TUB: variants seen among roughly 807,000 people sequenced by gnomAD.
TUB encodes tubby protein homolog.
In TUB, 33 loss-of-function variants were observed where a neutral mutation model predicts 59.7. That is an observed-to-expected ratio of 0.55 (90% confidence interval 0.42 to 0.74). The LOEUF (loss-of-function observed/expected upper bound fraction) is 0.74. Ranked by LOEUF, TUB falls within the 30% of genes least tolerant of loss-of-function variation. TUB has a pLI of 0.00. For synonymous variants in TUB, 293 were observed against 256.4 expected (o/e 1.14, Z -1.36); for missense variants, 659 against 672.0 (o/e 0.98, Z 0.21).
At chr11:8,020,167 TGATAGTA>T (rs2133692494) in intron 1 of TUB, among the ~76,000 whole-genome samples, 1 of 152,364 alleles carries the variant, frequency 6.6e-6, no homozygotes, top group South Asian at 2.1e-4. Flanking sequence ...GAAACCATGA[TGATAGTA>T]GATAGTAGTT....
Position 8,026,326 on chromosome 11 carries a change from T to C in TUB, c.56+6968T>C, listed in dbSNP as rs144667216. On this transcript the variant is annotated intron_variant, in intron 1 of 11. Coordinates refer to the TUB transcript ENST00000534099. ...GAAATCCAGTTTATCAGTTTTTTTA[T>C]AGATTGTTCTTCTGATGTTGTATCT... Among the ~76,000 whole-genome samples, 449 of 152,314 alleles carry C rather than the reference T, an allele frequency of 2.9e-3. 1 individual carries two copies. The highest frequency in any genetic ancestry group is 0.01 in the African/African-American group (421 of 41,574).
upstream of TUB, among the ~76,000 whole-genome samples, chr11:8,036,507 T>C (rs1175850754): frequency 6.6e-6 from 1 of 152,206 alleles, no homozygotes; most frequent in Non-Finnish European, 1.5e-5. Flanking sequence ...TGTGACCGAC[T>C]GAAGAGTCAT....
Position 8,104,010 on chromosome 11 carries a change from T to TGTC in TUB, c.*2392_*2394dup, listed in dbSNP as rs930743341. 1.1e-4 allele frequency: 16 copies of TGTC among 152,218 alleles called. No homozygotes were observed. The highest frequency in any genetic ancestry group is 3.9e-4 in the African/African-American group (16 of 41,470). The allele number at this position is 152,218 out of a possible 1,614,324, so 9.4% of individuals were successfully genotyped here. ...AAGGATAGCCTCAGCCACAAAACTC[T>TGTC]GTCAGGCATTGAATGACAAGCATCA... On this transcript the variant is annotated 3_prime_UTR_variant, in exon 12 of 12. Coordinates refer to ENST00000299506, the MANE Select transcript of TUB (RefSeq NM_177972.3).
intron 9 of TUB, among the ~76,000 whole-genome samples, chr11:8,099,691 TAAG>T (rs1476453459): frequency 6.6e-6 from 1 of 152,100 alleles, no homozygotes; most frequent in Non-Finnish European, 1.5e-5. Context: ...TTATAAACAC[TAAG>T]AAGAAAAAGT....
Position 8,103,731 on chromosome 11 carries a change from G to A in TUB, c.*2112G>A, listed in dbSNP as rs986592507. On this transcript the variant is annotated 3_prime_UTR_variant, in exon 12 of 12. Coordinates refer to ENST00000299506, the MANE Select transcript of TUB (RefSeq NM_177972.3). ...CCTTTAAGGAGAAGAGATCTTCATG[G>A]TGACATTTGAGATGATGGAAACTAG... is the stretch of plus-strand genomic sequence containing the variant. 1 of 152,638 alleles carries A rather than the reference G, an allele frequency of 6.6e-6. No homozygotes were observed. The highest frequency in any genetic ancestry group is 1.5e-5 in the Non-Finnish European group (1 of 68,052). 9.5% of individuals were successfully genotyped at this position (152,638 alleles called of 1,614,324 possible).
At position 8,030,927 on chromosome 11, in the gene TUB, A is replaced by T. The variant is rs370564194; in HGVS notation, c.56+11569A>T. Among the ~76,000 whole-genome samples the T allele has an allele frequency of 9.8e-5, 15 of 152,334 alleles. No individual in the cohort carries two copies. In the East Asian group the frequency reaches 2.9e-3, roughly 29 times the overall value. On this transcript the variant is annotated intron_variant, in intron 1 of 11. Transcript: ENST00000534099. ...ATGCCAGGAACACCACAGTGTCCCGAAAGGACACTGTCTCCTGACACCAGC... is the reference window on the plus strand; with the variant it reads ...ATGCCAGGAACACCACAGTGTCCCGTAAGGACACTGTCTCCTGACACCAGC...
upstream of TUB, among the ~76,000 whole-genome samples, chr11:8,080,734 CCTT>C (rs1308113528): frequency 6.6e-6 from 1 of 152,222 alleles, no homozygotes; most frequent in African/African-American, 2.4e-5. Context: ...GGAAACACCT[CCTT>C]AACCCAAAGA....
chr11:8,026,614 T>A (rs1313345100), intron 1 of TUB, among the ~76,000 whole-genome samples: 2 of 152,222 alleles, frequency 1.3e-5, no homozygotes, highest in Non-Finnish European at 2.9e-5. Flanking sequence ...TCTGTTATCT[T>A]GATCTATGTG....
At chr11:8,081,651 A>G (rs1943566807) in intron 1 of TUB, 103 bp downstream of exon 1, 11 of 1,267,788 alleles carry the variant, frequency 8.7e-6, no homozygotes, top group Non-Finnish European at 1.1e-5. Flanking sequence ...CTCCCCACCT[A>G]TCCCAGCACT....
At chr11:8,038,445 C>A, upstream of TUB, 1 of 220,130 alleles carries the variant, frequency 4.5e-6, no homozygotes, top group Non-Finnish European at 7.8e-6. Context: ...AGCCCTAGCA[C>A]AGAGCTGGCC....
At chr11:8,038,782 A>G in exon 1 of TUB, 1 of 1,537,404 alleles carries the variant, frequency 6.5e-7, no homozygotes, top group South Asian at 1.3e-5. Flanking sequence ...TTCAGTACTG[A>G]GGCGAATACA....
At position 8,095,650 on chromosome 11, in the gene TUB, A is replaced by C; in HGVS notation, c.550A>C (p.Thr184Pro). The C allele has an allele frequency of 2.5e-6, 4 of 1,603,188 alleles. No individual in the cohort carries two copies. Among genetic ancestry groups the C allele is most frequent in the Non-Finnish European group, 3.4e-6 (4 of 1,175,142 alleles). The change falls in exon 5 of 12, where the codon ACG becomes CCG. Residue 184 changes from threonine (T) to proline (P), a missense_variant. Around this residue, in one of 3 missense-constraint regions of TUB, gnomAD observed 321 missense variants for 304.3 expected, o/e 1.05. Coordinates refer to ENST00000299506, the MANE Select transcript of TUB (RefSeq NM_177972.3). The part of the protein sequence containing the change: ...ERPSGQDLRA[T>P]MQRKGISSSM... The stretch of plus-strand genomic sequence containing the variant: ...GCCCAGCGGGCAGGATCTCCGTGCC[A>C]CGATGCAGAGGAAGGGTGAGCCCCA...
chr11:8,037,355 T>G (rs183071796), upstream of TUB, among the ~76,000 whole-genome samples: 7 of 152,330 alleles, frequency 4.6e-5, no homozygotes, highest in African/African-American at 1.7e-4. Flanking sequence ...GCTTCTCAGC[T>G]GATGTCCGTG....
intron 2 of TUB, chr11:8,061,994 A>G (rs1238948974): frequency 1.3e-5 from 2 of 152,302 alleles, no homozygotes; most frequent in African/African-American, 4.8e-5. Flanking sequence ...CCCCAGGACT[A>G]TGGAGGCTTC....
intron 1 of TUB, among the ~76,000 whole-genome samples, chr11:8,081,906 T>C (rs1943574081): frequency 6.6e-6 from 1 of 152,176 alleles, no homozygotes; most frequent in South Asian, 2.1e-4. Flanking sequence ...CGCTCATACA[T>C]CTGCACGCAT....
rs991220010 is a variant in TUB, at chr11:8,081,696, T to C, written c.38+148T>C. 2.3e-5 allele frequency: 21 copies of C among 917,182 alleles called. 1 individual carries two copies. The Admixed American group carries it at 3.5e-4, about 15-fold the overall frequency. 56.8% of individuals were successfully genotyped at this position (917,182 alleles called of 1,614,324 possible). A position where few individuals can be genotyped will look rare whatever the true frequency, so the allele number is the denominator to read the frequency against. The stretch of plus-strand genomic sequence containing the variant: ...GTTGGAGTCGCTGGTCCTTCCTCCC[T>C]CAACTTTGAGGGCCCCTGCGGACTG... On this transcript the variant is annotated intron_variant, in intron 1 of 11. Transcript: ENST00000299506.
intron 4 of TUB, among the ~76,000 whole-genome samples, chr11:8,094,864 G>A (rs898394175): frequency 1.3e-5 from 2 of 152,206 alleles, no homozygotes; most frequent in African/African-American, 4.8e-5. Flanking sequence ...TTCTGGAGCT[G>A]GCCGAGCACT....
intron 6 of TUB, 43 bp downstream of exon 6, chr11:8,096,849 G>A: frequency 6.2e-7 from 1 of 1,606,044 alleles, no homozygotes; most frequent in Non-Finnish European, 8.5e-7. Flanking sequence ...TTGGAGGACT[G>A]CTCATCCGTT....
upstream of TUB, among the ~76,000 whole-genome samples, chr11:8,033,848 T>C (rs117046768): frequency 1.9e-3 from 292 of 152,302 alleles, 5 homozygotes; most frequent in East Asian, 0.042. Context: ...GGGAGAGGGA[T>C]TGGTTCACAG....
Sources: allele counts gnomAD v4.1 joint callset (sites outside exome capture counted in the v4.1 genomes callset), GRCh38; gene constraint gnomAD v4.1.1; regional missense constraint gnomAD v4.1.1; transcripts MANE v1.5; gene names NCBI Gene and HGNC (gene_info 2026-07-23, HGNC 2026-07-21).